Variants in BIN3 observed in about 807,000 individuals in gnomAD.
BIN3 encodes bridging integrator 3.
A neutral mutation model predicts 38.2 loss-of-function variants in BIN3; 41 were observed. The ratio of observed to expected loss-of-function variants is 1.07; its 90% CI spans 0.84 to 1.39. The LOEUF is 1.39. BIN3 is among the 40% of genes most tolerant of loss of function. BIN3 has a pLI of 0.00. For missense variants in BIN3, 361 were observed against 324.3 expected, an observed-to-expected ratio of 1.11 and a Z score of -0.87; for synonymous variants, 145 against 122.6, an observed-to-expected ratio of 1.18 and a Z score of -1.21.
At chr8:22,645,165 CA>C (rs61368703) in intron 1 of BIN3, among the ~76,000 whole-genome samples, 2,928 of 120,158 alleles carry the variant, frequency 0.024, 28 homozygotes, top group East Asian at 0.076. Flanking sequence ...ACCCTATCTC[CA>C]AAAAAAAAAA....
At chr8:22,638,103 G>T (rs1043713211) in intron 2 of BIN3, among the ~76,000 whole-genome samples, 8 of 152,182 alleles carry the variant, frequency 5.3e-5, no homozygotes, top group African/African-American at 1.9e-4. Flanking sequence ...TGGGAATCCT[G>T]TCCCCAAGAG....
chr8:22,635,841 T>A (rs1170651077), intron 4 of BIN3, among the ~76,000 whole-genome samples: 1 of 152,146 alleles, frequency 6.6e-6, no homozygotes, highest in Admixed American at 6.5e-5. Flanking sequence ...TCCCGGCTGC[T>A]CGTCGCCTCC....
At chr8:22,626,367 T>G (rs922758875) in intron 6 of BIN3, 4 of 152,326 alleles carry the variant, frequency 2.6e-5, no homozygotes, top group African/African-American at 9.7e-5. Flanking sequence ...GGCGGCTGCG[T>G]GGTGGAGCTG....
intron 6 of BIN3, among the ~76,000 whole-genome samples, chr8:22,626,878 C>T (rs750556172): frequency 6.6e-6 from 1 of 152,188 alleles, no homozygotes; most frequent in Non-Finnish European, 1.5e-5. Context: ...TTATTATTTC[C>T]TGTGCCAGAG....
chr8:22,621,581 ACAGGGGTTGG>A lies in BIN3; in HGVS notation c.616-23_616-14del. 1 of 1,612,950 alleles carries A rather than the reference ACAGGGGTTGG, an allele frequency of 6.2e-7. No individual in the cohort carries two copies. The highest frequency in any genetic ancestry group is 8.5e-7 in the Non-Finnish European group (1 of 1,179,614). ...AGTAGTACACAACCTGGGGGAGGCG[ACAGGGGTTGG>A]CACGTGCTGGCTCCAGGGAACCGTG... On this transcript the variant is annotated splice_polypyrimidine_tract_variant and intron_variant, in intron 8 of 8. Coordinates refer to ENST00000276416, the MANE Select transcript of BIN3 (RefSeq NM_018688.6).
In BIN3 at chr8:22,622,602, A is replaced by G. The variant is rs139536857; in HGVS notation, c.616-1034T>C. 1,051 of 152,550 alleles carry G rather than the reference A, an allele frequency of 6.9e-3. 9 individuals carry two copies. The highest frequency in any genetic ancestry group is 0.034 in the Middle Eastern group (10 of 296). The allele number at this position is 152,550 out of a possible 1,614,324, so 9.4% of individuals were successfully genotyped here. On this transcript the variant is annotated intron_variant, in intron 8 of 8. Transcript: ENST00000276416. ...GAGGCTGGGGCCCAAGAGGCAGTCA[A>G]CAGCCCCCAGCAATGCTGCCTGGTT...
At chr8:22,643,651 C>T (rs1802631652) in intron 2 of BIN3, among the ~76,000 whole-genome samples, 1 of 152,204 alleles carries the variant, frequency 6.6e-6, no homozygotes, top group South Asian at 2.1e-4. Flanking sequence ...AGTGACCTTA[C>T]TCTGGATTTG....
chr8:22,634,365 G>C (rs1353828525), intron 4 of BIN3: 5 of 401,794 alleles, frequency 1.2e-5, no homozygotes, highest in Non-Finnish European at 2.0e-5. Flanking sequence ...AAAATTCATG[G>C]CACAGACCAA....
rs1461229047 is a variant in BIN3, at chr8:22,663,446, A to AC, written c.8+5597_8+5598insG. On this transcript the variant is annotated intron_variant, in intron 1 of 8. Transcript: ENST00000276416. ...TGAGACCCCCCGATTTGTTTAAAAA[A>AC]AAAAAAAAAAAAAAAAGGAAACTAT... Among the ~76,000 whole-genome samples the AC allele has an allele frequency of 5.7e-5, 5 of 88,342 alleles. No homozygotes were observed. The Admixed American group carries it at 5.7e-4, about 10-fold the overall frequency. 58.0% of individuals were successfully genotyped at this position (88,342 alleles called of 152,430 possible).
At chr8:22,651,382 C>A (rs1056590234) in intron 1 of BIN3, among the ~76,000 whole-genome samples, 1 of 152,222 alleles carries the variant, frequency 6.6e-6, no homozygotes, top group Non-Finnish European at 1.5e-5. Flanking sequence ...GCTCCCCAGC[C>A]GTGAGGCTCT....
chr8:22,646,504 A>G (rs1449699189), intron 1 of BIN3, among the ~76,000 whole-genome samples: 1 of 152,154 alleles, frequency 6.6e-6, no homozygotes, highest in Non-Finnish European at 1.5e-5. Context: ...GACCCCAAAC[A>G]GTGATCCAGT....
intron 8 of BIN3, among the ~76,000 whole-genome samples, chr8:22,622,942 T>C (rs879835453): frequency 1.3e-5 from 2 of 152,138 alleles, no homozygotes; most frequent in Admixed American, 6.5e-5. Flanking sequence ...CCTGCTCAGG[T>C]GTCCTGACTG....
intron 1 of BIN3, among the ~76,000 whole-genome samples, chr8:22,645,973 CA>C (rs1585194703): frequency 1.3e-5 from 2 of 152,222 alleles, no homozygotes; most frequent in East Asian, 1.9e-4. Flanking sequence ...CCCTACTTTA[CA>C]GCATGGCACA....
intron 5 of BIN3, 22 bp downstream of exon 5, chr8:22,630,420 C>A (rs1284511536): frequency 1.9e-6 from 3 of 1,612,950 alleles, no homozygotes; most frequent in Admixed American, 3.3e-5. Flanking sequence ...TGCTTGCCCA[C>A]CCCACACCAA....
intron 1 of BIN3, among the ~76,000 whole-genome samples, chr8:22,648,342 A>G (rs1435241524): frequency 6.6e-6 from 1 of 151,786 alleles, no homozygotes; most frequent in East Asian, 1.9e-4. Context: ...CCAGCATCCC[A>G]CCCAGGTCCC....
Position 22,621,177 on chromosome 8 carries a change from C to G in BIN3, c.*245G>C, listed in dbSNP as rs1478265992. 1.9e-6 allele frequency: 1 copy of G among 527,202 alleles called. No individual in the cohort carries two copies. Among genetic ancestry groups the G allele is most frequent in the South Asian group, 2.3e-5 (1 of 43,538 alleles). The allele number at this position is 527,202 out of a possible 1,614,324, so 32.7% of individuals were successfully genotyped here. ...GGGCCAGGATGCATGCTGGACGGTT[C>G]TCCAAATAAAAAAGCCCCAAGGGTT... On this transcript the variant is annotated 3_prime_UTR_variant, in exon 9 of 9. Transcript: ENST00000276416.
chr8:22,660,978 G>T (rs1803217751), intron 1 of BIN3, among the ~76,000 whole-genome samples: 1 of 152,094 alleles, frequency 6.6e-6, no homozygotes, highest in Non-Finnish European at 1.5e-5. Context: ...TTGAATTCCT[G>T]GGCTCCAGCA....
rs753873761 is a variant in BIN3 at position 22,621,484 on chromosome 8, CCCGCTG to C, written c.694_699del (p.Gln232_Arg233del). The C allele has an allele frequency of 1.2e-6, 2 of 1,613,836 alleles. No individual in the cohort carries two copies. The highest frequency in any genetic ancestry group is 1.7e-6 in the Non-Finnish European group (2 of 1,179,898). On this transcript the variant is annotated inframe_deletion, in exon 9 of 9. Transcript: ENST00000276416. The stretch of plus-strand genomic sequence containing the variant: ...CTGAGTTTGGCCTCGTTCTCCCGCT[CCCGCTG>C]CTCATCGGAGTGGCCTGGCTGGTCA...
At chr8:22,640,481 G>C (rs1460651596) in intron 2 of BIN3, among the ~76,000 whole-genome samples, 2 of 151,956 alleles carry the variant, frequency 1.3e-5, no homozygotes, top group African/African-American at 4.8e-5. Context: ...GAGCCACCGC[G>C]CACGGCCCAC....
Sources: gnomAD v4.1 joint callset for allele counts (sites outside exome capture counted in the v4.1 genomes callset) on GRCh38, gnomAD v4.1.1 for gene constraint, MANE v1.5 for transcripts, NCBI Gene and HGNC (gene_info 2026-07-23, HGNC 2026-07-21) for gene names.